The following MAP4K3 variants were observed in gnomAD, a reference collection of about 807,000 sequenced individuals.
MAP4K3 encodes MAPK/ERK kinase kinase kinase 3.
MAP4K3 carries 94 observed loss-of-function variants against 143.5 expected under a neutral mutation model. The observed-to-expected ratio is 0.65, with a 90% CI of 0.55 to 0.78. MAP4K3 has a LOEUF of 0.78. MAP4K3 is among the 30% of genes least tolerant of loss of function. The pLI is 0.00. For synonymous variants in MAP4K3, 416 were observed against 347.2 expected, an observed-to-expected ratio of 1.20 and a Z score of -2.20; for missense variants, 1,077 against 1,068.1, an observed-to-expected ratio of 1.01 and a Z score of -0.12.
intron 1 of MAP4K3, among the ~76,000 whole-genome samples, chr2:39,387,587 G>A (rs1013623372): frequency 2.0e-5 from 3 of 152,220 alleles, no homozygotes; most frequent in Non-Finnish European, 2.9e-5. Context: ...ACCATGCTAT[G>A]TGCCAGTGTC....
At chr2:39,324,553 C>T (rs867366421) in intron 12 of MAP4K3, among the ~76,000 whole-genome samples, 4 of 152,262 alleles carry the variant, frequency 2.6e-5, no homozygotes, top group Middle Eastern at 3.4e-3. Context: ...CATAAGATGG[C>T]AAGCTGGGAC....
At chr2:39,337,997 A>G (rs1214529569) in intron 4 of MAP4K3, among the ~76,000 whole-genome samples, 1 of 151,924 alleles carries the variant, frequency 6.6e-6, no homozygotes, top group Non-Finnish European at 1.5e-5. Flanking sequence ...TTCTGGGCTC[A>G]AGCAATCTTC....
At chr2:39,412,207 G>C (rs1437857776) in intron 1 of MAP4K3, among the ~76,000 whole-genome samples, 1 of 152,200 alleles carries the variant, frequency 6.6e-6, no homozygotes, top group African/African-American at 2.4e-5. Context: ...AACAGCTAGC[G>C]CGGGTCAGGG....
At chr2:39,401,411 C>T (rs1666950701) in intron 1 of MAP4K3, among the ~76,000 whole-genome samples, 1 of 152,250 alleles carries the variant, frequency 6.6e-6, no homozygotes, top group East Asian at 1.9e-4. Flanking sequence ...TTAAGAGACA[C>T]CAGGTAGAAT....
intron 1 of MAP4K3, among the ~76,000 whole-genome samples, chr2:39,389,052 A>T (rs1190977439): frequency 6.6e-6 from 1 of 152,238 alleles, no homozygotes; most frequent in East Asian, 1.9e-4. Flanking sequence ...TACGCTTTAA[A>T]AGTTTAAAGA....
chr2:39,307,456 T>A (rs1682749369), intron 15 of MAP4K3, among the ~76,000 whole-genome samples: 1 of 152,002 alleles, frequency 6.6e-6, no homozygotes, highest in East Asian at 1.9e-4. Context: ...AATGTAGGAA[T>A]AAATTATCTT....
At chr2:39,267,621 C>T (rs1346455861) in intron 26 of MAP4K3, among the ~76,000 whole-genome samples, 4 of 149,382 alleles carry the variant, frequency 2.7e-5, no homozygotes, top group Non-Finnish European at 3.0e-5. Context: ...TGTGGTGAGC[C>T]GAGAGCACAC....
intron 29 of MAP4K3, 44 bp from the exon 30 acceptor site, chr2:39,258,631 A>G (rs765984842): frequency 7.8e-7 from 1 of 1,282,256 alleles, no homozygotes; most frequent in Non-Finnish European, 1.1e-6. Context: ...AAACTGTGAT[A>G]CTTAAAGCAT....
intron 2 of MAP4K3, among the ~76,000 whole-genome samples, chr2:39,365,695 C>T (rs972920773): frequency 2.0e-5 from 3 of 151,898 alleles, no homozygotes; most frequent in Admixed American, 6.6e-5. Flanking sequence ...CCACCCGCCT[C>T]GGCCTCCCAA....
intron 2 of MAP4K3, among the ~76,000 whole-genome samples, chr2:39,368,512 C>G (rs1292388411): frequency 6.6e-6 from 1 of 151,602 alleles, no homozygotes; most frequent in Non-Finnish European, 1.5e-5. Flanking sequence ...ACAAAAAAAA[C>G]TAAAAAATTA....
intron 31 of MAP4K3, among the ~76,000 whole-genome samples, chr2:39,255,962 A>T (rs1233824646): frequency 2.0e-5 from 3 of 152,226 alleles, no homozygotes; most frequent in African/African-American, 7.2e-5. Context: ...ACCCATGGAC[A>T]TGATGTAGTT....
At chr2:39,294,667 G>T (rs543082235) in intron 16 of MAP4K3, among the ~76,000 whole-genome samples, 2 of 152,310 alleles carry the variant, frequency 1.3e-5, no homozygotes, top group Non-Finnish European at 2.9e-5. Context: ...AATTACCTCA[G>T]TACTTATTTC....
At chr2:39,426,631 T>C (rs142471066) in intron 1 of MAP4K3, among the ~76,000 whole-genome samples, 2 of 152,206 alleles carry the variant, frequency 1.3e-5, no homozygotes, top group Non-Finnish European at 2.9e-5. Context: ...CATCGGTGAA[T>C]CTTGGAAAGG....
At position 39,284,240 on chromosome 2, in the gene MAP4K3, C is replaced by A. The variant is rs149130094; in HGVS notation, c.1588-1686G>T. Among the ~76,000 whole-genome samples the A allele has an allele frequency of 6.5e-3, 986 of 152,144 alleles. 10 individuals carry two copies. The highest frequency in any genetic ancestry group is 0.023 in the African/African-American group (946 of 41,490). ...GCAGGGGCACGATATCGGGTCACTG[C>A]AACCTCTGCCTCCCAGGTTCAAGTG... On this transcript the variant is annotated intron_variant, in intron 21 of 33. Transcript: ENST00000263881.
chr2:39,357,602 C>T (rs545778645), intron 2 of MAP4K3, among the ~76,000 whole-genome samples: 22 of 152,232 alleles, frequency 1.4e-4, no homozygotes, highest in East Asian at 3.9e-4. Flanking sequence ...TTAATTTCTG[C>T]GTTGATATGA....
chr2:39,268,231 C>A (rs1484565478), intron 26 of MAP4K3, among the ~76,000 whole-genome samples: 16 of 152,124 alleles, frequency 1.1e-4, no homozygotes, highest in South Asian at 2.1e-4. Context: ...ACTCAAATGT[C>A]TTTTAAAATG....
chr2:39,327,850 G>T (rs1683544419), intron 8 of MAP4K3, among the ~76,000 whole-genome samples: 1 of 152,150 alleles, frequency 6.6e-6, no homozygotes, highest in Admixed American at 6.6e-5. Flanking sequence ...CCCCTTACTA[G>T]TTCACCACAT....
intron 3 of MAP4K3, among the ~76,000 whole-genome samples, chr2:39,350,680 T>C (rs74682274): frequency 0.071 from 10,805 of 152,180 alleles, 1,299 homozygotes; most frequent in African/African-American, 0.25. Context: ...CTGTAATAAA[T>C]ACACCATAAT....
chr2:39,328,944 G>C (rs185107949), intron 8 of MAP4K3, among the ~76,000 whole-genome samples: 1 of 152,186 alleles, frequency 6.6e-6, no homozygotes, highest in African/African-American at 2.4e-5. Flanking sequence ...AGACTTTTTC[G>C]AACAACTGAA....
Sources: allele counts gnomAD v4.1 joint callset (sites outside exome capture counted in the v4.1 genomes callset), GRCh38; gene constraint gnomAD v4.1.1; transcripts MANE v1.5; gene names NCBI Gene and HGNC (gene_info 2026-07-23, HGNC 2026-07-21).